The following RP1 variants were observed in gnomAD, a reference collection of about 807,000 sequenced individuals.
The protein encoded by RP1 is oxygen-regulated protein 1.
In RP1, 16 loss-of-function variants were observed where a neutral mutation model predicts 14.8. That is an observed-to-expected ratio of 1.08 (90% CI 0.73 to 1.65). The LOEUF (loss-of-function observed/expected upper bound fraction) is 1.65, where lower values mean the gene tolerates loss of function less well. RP1 is among the 40% of genes most tolerant of loss of function. The pLI is 0.00. For synonymous variants in RP1, 876 were observed against 883.6 expected, an observed-to-expected ratio of 0.99 and a Z score of 0.15; for missense variants, 2,631 against 2,535.0, an observed-to-expected ratio of 1.04 and a Z score of -0.81.
At chr8:54,655,500 G>A (rs1320311748) in intron 5 of RP1, among the ~76,000 whole-genome samples, 1 of 151,974 alleles carries the variant, frequency 6.6e-6, no homozygotes, top group Non-Finnish European at 1.5e-5. Flanking sequence ...GATCCAAAGG[G>A]GGAACCATAT....
In RP1 at chr8:54,621,418, G is replaced by A; in HGVS notation, c.452G>A (p.Arg151His). 8.7e-6 allele frequency: 14 copies of A among 1,613,090 alleles called. No individual in the cohort carries two copies. Among genetic ancestry groups the A allele is most frequent in the Non-Finnish European group, 1.2e-5 (14 of 1,179,846 alleles). The change falls in exon 2 of 4, where the codon CGC (arginine) becomes CAC (histidine). Residue 151 changes from arginine (R) to histidine (H), a missense_variant. Transcript: ENST00000220676. ...GCCGTCGCTGCTCCCGGCATGCCCC[G>A]CCCCCCACGGAGCCTAGTGGTCTTC... is the stretch of plus-strand genomic sequence containing the variant. ...PVAVAAPGMPRPPRSLVVFRN... is the reference protein window; with the variant it reads ...PVAVAAPGMPHPPRSLVVFRN...
intron 17 of RP1, among the ~76,000 whole-genome samples, chr8:54,732,509 T>G (rs965184492): frequency 6.6e-6 from 1 of 152,164 alleles, no homozygotes; most frequent in African/African-American, 2.4e-5. Context: ...CAGCAAATAA[T>G]AGGAACTAAA....
intron 24 of RP1, among the ~76,000 whole-genome samples, chr8:54,821,586 G>A (rs1811257219): frequency 6.6e-6 from 1 of 152,130 alleles, no homozygotes. Flanking sequence ...CTCTTATGTT[G>A]GTTGTGAAGA....
intron 1 of RP1, among the ~76,000 whole-genome samples, chr8:54,582,621 C>A (rs1804823342): frequency 6.6e-6 from 1 of 152,120 alleles, no homozygotes; most frequent in Admixed American, 6.6e-5. Flanking sequence ...GATATTGATT[C>A]TTCCTACCCA....
chr8:54,653,729 G>T (rs919074769), intron 5 of RP1, among the ~76,000 whole-genome samples: 4 of 152,074 alleles, frequency 2.6e-5, no homozygotes, highest in Non-Finnish European at 5.9e-5. Flanking sequence ...GAATGTTGAG[G>T]TTATATTTTA....
At chr8:54,685,134 A>G (rs1324208528) in intron 12 of RP1, among the ~76,000 whole-genome samples, 1 of 152,150 alleles carries the variant, frequency 6.6e-6, no homozygotes. Flanking sequence ...GATTTTTTGA[A>G]GGGTTTTTTA....
intron 8 of RP1, among the ~76,000 whole-genome samples, chr8:54,677,430 T>G (rs1807317296): frequency 6.6e-6 from 1 of 152,184 alleles, no homozygotes; most frequent in African/African-American, 2.4e-5. Flanking sequence ...TATGCTGCGT[T>G]AAAAAGTTTT....
At chr8:54,824,125 GTT>G (rs1811327766) in intron 24 of RP1, among the ~76,000 whole-genome samples, 1 of 134,288 alleles carries the variant, frequency 7.4e-6, no homozygotes, top group African/African-American at 2.7e-5. Context: ...TAATTGGATT[GTT>G]TGTGTGTTTT....
intron 24 of RP1, among the ~76,000 whole-genome samples, chr8:54,824,774 G>A (rs549285399): frequency 6.6e-6 from 1 of 152,298 alleles, no homozygotes; most frequent in East Asian, 1.9e-4. Flanking sequence ...AAATGAGTCA[G>A]TTGTAACCTG....
At chr8:54,868,556 G>C (rs529028363) in intron 28 of RP1, among the ~76,000 whole-genome samples, 1 of 152,278 alleles carries the variant, frequency 6.6e-6, no homozygotes, top group East Asian at 1.9e-4. Flanking sequence ...AGACCCATTA[G>C]TCAGAAAGCA....
At chr8:54,654,767 C>A (rs973580530) in intron 5 of RP1, among the ~76,000 whole-genome samples, 1 of 152,148 alleles carries the variant, frequency 6.6e-6, no homozygotes, top group Non-Finnish European at 1.5e-5. Context: ...CCCACCTCAG[C>A]CTCCCAAGTA....
intron 12 of RP1, among the ~76,000 whole-genome samples, chr8:54,680,672 G>T (rs1159644915): frequency 6.6e-6 from 1 of 152,108 alleles, no homozygotes; most frequent in Non-Finnish European, 1.5e-5. Flanking sequence ...GAAAATAAAT[G>T]TCTGGGCCGG....
At chr8:54,775,245 C>T (rs1810005085) in intron 23 of RP1, among the ~76,000 whole-genome samples, 1 of 152,164 alleles carries the variant, frequency 6.6e-6, no homozygotes, top group South Asian at 2.1e-4. Context: ...CTAAAAATGT[C>T]TGTGACTGCA....
At position 54,704,274 on chromosome 8, in the gene RP1, T is replaced by C. The variant is rs139525190; in HGVS notation, c.1999-2169T>C. 6.6e-5 allele frequency among the ~76,000 whole-genome samples: 10 copies of C among 152,266 alleles called. No individual in the cohort carries two copies. The East Asian group carries it at 1.9e-3, about 29-fold the overall frequency. ...CTTTCATTTGAACACTTAGAGGCCA[T>C]TATAGGGTTATTGATTAGACTAATT... On this transcript the variant is annotated intron_variant, in intron 14 of 22. Transcript: ENST00000636932.
chr8:54,705,527 T>C (rs1190555170), intron 14 of RP1, among the ~76,000 whole-genome samples: 1 of 152,154 alleles, frequency 6.6e-6, no homozygotes, highest in Non-Finnish European at 1.5e-5. Context: ...CACTTAACAC[T>C]TTCTGACTCA....
At chr8:54,787,004 C>G (rs1810334101) in intron 24 of RP1, among the ~76,000 whole-genome samples, 1 of 152,090 alleles carries the variant, frequency 6.6e-6, no homozygotes, top group South Asian at 2.1e-4. Context: ...TGAAGGGTAA[C>G]TGTAATATTC....
At chr8:54,705,569 T>C (rs953841278) in intron 14 of RP1, among the ~76,000 whole-genome samples, 1 of 152,182 alleles carries the variant, frequency 6.6e-6, no homozygotes, top group Non-Finnish European at 1.5e-5. Flanking sequence ...ATTATTACTA[T>C]CTGGCTGACC....
chr8:54,810,642 A>T (rs1810968717), intron 24 of RP1, among the ~76,000 whole-genome samples: 1 of 152,196 alleles, frequency 6.6e-6, no homozygotes, highest in Admixed American at 6.5e-5. Flanking sequence ...GGTAAATTTC[A>T]CATTATGGCA....
chr8:54,739,353 T>C (rs1370512172), intron 19 of RP1, among the ~76,000 whole-genome samples: 1 of 152,178 alleles, frequency 6.6e-6, no homozygotes. Context: ...TATGATGGGT[T>C]ACTTCCCAAT....
Sources: allele counts gnomAD v4.1 joint callset (sites outside exome capture counted in the v4.1 genomes callset), GRCh38; gene constraint gnomAD v4.1.1; transcripts MANE v1.5; gene names NCBI Gene and HGNC (gene_info 2026-07-23, HGNC 2026-07-21).